FBLIM1: variants seen among roughly 807,000 people sequenced by gnomAD.
The protein encoded by FBLIM1 is filamin-binding LIM protein 1.
Under a neutral mutation model 37.4 loss-of-function variants are expected in FBLIM1, and 29 were observed. The observed-to-expected ratio is 0.77, with a 90% CI of 0.58 to 1.06. FBLIM1 has a LOEUF of 1.06. Among genes scored for constraint, FBLIM1 ranks in the 50% least tolerant of loss-of-function variants. The pLI is 0.00. For synonymous variants in FBLIM1, 193 were observed against 199.0 expected (o/e 0.97, Z 0.25); for missense variants, 449 against 505.6 (o/e 0.89, Z 1.07).
rs1221070852 is a variant in FBLIM1, at chr1:15,785,256, A to T, written c.*595A>T. On this transcript the variant is annotated 3_prime_UTR_variant, in exon 9 of 9. Coordinates refer to ENST00000375766, the MANE Select transcript of FBLIM1 (RefSeq NM_017556.4). Reference sequence around the variant, plus strand: ...AAGCTGAGGCAGGAGAATTGCTTCAATCTGGAAGGCAGAGGTTGCAGTGAG... The same window carrying T: ...AAGCTGAGGCAGGAGAATTGCTTCATTCTGGAAGGCAGAGGTTGCAGTGAG... The T allele has an allele frequency of 6.6e-6, 1 of 152,000 alleles. No individual in the cohort carries two copies. The highest frequency in any genetic ancestry group is 1.5e-5 in the Non-Finnish European group (1 of 68,042). The allele number at this position is 152,000 out of a possible 1,614,324, so 9.4% of individuals were successfully genotyped here. A position where few individuals can be genotyped will look rare whatever the true frequency, so the allele number is the denominator to read the frequency against.
intron 8 of FBLIM1, 46 bp downstream of exon 8, chr1:15,777,333 C>A: frequency 6.8e-7 from 1 of 1,461,574 alleles, no homozygotes; most frequent in Non-Finnish European, 9.5e-7. Flanking sequence ...TGCTGCGTGC[C>A]AGGCCCTTAG....
At chr1:15,776,303 C>G (rs959534341) in intron 7 of FBLIM1, among the ~76,000 whole-genome samples, 1 of 152,044 alleles carries the variant, frequency 6.6e-6, no homozygotes, top group Admixed American at 6.6e-5. Flanking sequence ...ATGTCACAGG[C>G]AGGTACGATT....
chr1:15,767,996 G>GC (rs1209982311), intron 4 of FBLIM1, among the ~76,000 whole-genome samples: 2 of 152,118 alleles, frequency 1.3e-5, no homozygotes, highest in Admixed American at 6.6e-5. Flanking sequence ...CGATTCTCCT[G>GC]CCATAGTCTC....
chr1:15,767,004 G>A (rs1046037714), intron 3 of FBLIM1, among the ~76,000 whole-genome samples: 15 of 150,256 alleles, frequency 1.0e-4, no homozygotes, highest in African/African-American at 3.2e-4. Flanking sequence ...ATCCTTCCAC[G>A]TCAGCCTCCC....
At position 15,765,281 on chromosome 1, in the gene FBLIM1, G is replaced by A. The variant is rs750904245; in HGVS notation, c.250+48G>A. 6.4e-7 allele frequency: 1 copy of A among 1,559,366 alleles called. No homozygotes were observed. The highest frequency in any genetic ancestry group is 2.3e-5 in the East Asian group (1 of 44,090). ...GGAAGACCACGTCAGAGGCAGAGGT[G>A]GGGAGGAAAGGGCAGGCTCCAGCGT... is the stretch of plus-strand genomic sequence containing the variant. On this transcript the variant is annotated intron_variant, in intron 3 of 8. Coordinates refer to ENST00000375766, the MANE Select transcript of FBLIM1 (RefSeq NM_017556.4). This position sits in a 1 kb window ranked among gnomAD's most constrained non-coding sequence, Gnocchi z 5.9.
At chr1:15,781,953 C>T (rs193049638) in intron 8 of FBLIM1, among the ~76,000 whole-genome samples, 52 of 151,812 alleles carry the variant, frequency 3.4e-4, no homozygotes, top group South Asian at 6.2e-4. Flanking sequence ...CTCCTGACCT[C>T]GTGATCCGCC....
At position 15,765,239 on chromosome 1, in the gene FBLIM1, A is replaced by T; in HGVS notation, c.250+6A>T. ...TATGCAGCTCTTCAATGGAGGTAAG[A>T]GCTGAGGGGACTTTGGGGAAGACCA... is the stretch of plus-strand genomic sequence containing the variant. On this transcript the variant is annotated splice_donor_region_variant and intron_variant, in intron 3 of 8. Coordinates refer to ENST00000375766, the MANE Select transcript of FBLIM1 (RefSeq NM_017556.4). The surrounding 1 kb of genome is among the most constrained non-coding windows in gnomAD (Gnocchi z 5.9). 6.3e-7 allele frequency: 1 copy of T among 1,599,996 alleles called. No homozygotes were observed. Among genetic ancestry groups the T allele is most frequent in the Non-Finnish European group, 8.5e-7 (1 of 1,170,206 alleles).
intron 8 of FBLIM1, among the ~76,000 whole-genome samples, chr1:15,783,619 G>C (rs902751118): frequency 7.9e-6 from 1 of 125,898 alleles, no homozygotes; most frequent in Non-Finnish European, 1.6e-5. Flanking sequence ...TCTGTCACCC[G>C]GGCTGGAGTG....
intron 1 of FBLIM1, among the ~76,000 whole-genome samples, chr1:15,761,193 C>T (rs376234142): frequency 1.3e-5 from 2 of 152,152 alleles, no homozygotes; most frequent in East Asian, 1.9e-4. Flanking sequence ...CGGAACATGC[C>T]GACCACAAGA....
chr1:15,782,691 G>A (rs1461840914), intron 8 of FBLIM1, among the ~76,000 whole-genome samples: 8 of 152,090 alleles, frequency 5.3e-5, no homozygotes, highest in Non-Finnish European at 8.8e-5. Context: ...GGCCTTGTAG[G>A]GAGGAGACAC....
chr1:15,774,590 A>G, intron 6 of FBLIM1, 28 bp from the exon 7 acceptor site: 1 of 1,590,808 alleles, frequency 6.3e-7, no homozygotes, highest in South Asian at 1.1e-5. Flanking sequence ...TGTGTCGTGG[A>G]TGGTTCTGGC....
intron 1 of FBLIM1, among the ~76,000 whole-genome samples, chr1:15,760,346 A>C (rs551430879): frequency 2.6e-5 from 4 of 151,350 alleles, no homozygotes; most frequent in Non-Finnish European, 5.9e-5. Flanking sequence ...CCTGGTCAAC[A>C]TGGTGAAACC....
Position 15,768,528 on chromosome 1 carries a change from GC to G in FBLIM1, c.443del (p.Pro148GlnfsTer53). On this transcript the variant is annotated frameshift_variant and splice_region_variant, in exon 5 of 9. Transcript: ENST00000375766. LOFTEE classifies it high-confidence loss of function. ...HLSPPPPPPQ[A>X]PAEGPSVQPG... ...TGACTCCCCGTCTGCATCCCCACAG[GC>G]CCCAGCGGAGGGACCTTCAGTCCAG... 1 of 1,569,534 alleles carries G rather than the reference GC, an allele frequency of 6.4e-7. No individual in the cohort carries two copies. Among genetic ancestry groups the G allele is most frequent in the East Asian group, 2.3e-5 (1 of 43,558 alleles).
intron 6 of FBLIM1, 108 bp downstream of exon 6, chr1:15,770,686 C>A: frequency 1.5e-6 from 2 of 1,292,914 alleles, no homozygotes; most frequent in Non-Finnish European, 2.1e-6. Flanking sequence ...ACTATTGACC[C>A]CTTTCACAGA....
chr1:15,769,489 A>T (rs1047411016), intron 5 of FBLIM1, among the ~76,000 whole-genome samples: 11 of 151,664 alleles, frequency 7.3e-5, no homozygotes, highest in African/African-American at 1.9e-4. Flanking sequence ...AAAAATAAAA[A>T]AATAAAATAA....
chr1:15,761,224 A>G (rs1382021763), intron 1 of FBLIM1, among the ~76,000 whole-genome samples: 1 of 152,152 alleles, frequency 6.6e-6, no homozygotes, highest in Non-Finnish European at 1.5e-5. Context: ...GGATTGGGCC[A>G]TTGTAGAGTG....
At chr1:15,763,600 C>T (rs2068781845) in intron 1 of FBLIM1, among the ~76,000 whole-genome samples, 2 of 151,492 alleles carry the variant, frequency 1.3e-5, no homozygotes, top group Admixed American at 6.6e-5. Context: ...CGTGCCACTG[C>T]ACTCCGGCCT....
At chr1:15,779,346 C>A (rs1187359334) in intron 8 of FBLIM1, among the ~76,000 whole-genome samples, 1 of 151,958 alleles carries the variant, frequency 6.6e-6, no homozygotes, top group Non-Finnish European at 1.5e-5. Context: ...ACTCTGTCAC[C>A]CAGGCTGGAG....
chr1:15,777,164 T>A lies in FBLIM1; in HGVS notation c.891-6T>A. The A allele has an allele frequency of 6.3e-7, 1 of 1,596,918 alleles. No homozygotes were observed. Among genetic ancestry groups the A allele is most frequent in the South Asian group, 1.1e-5 (1 of 90,016 alleles). ...GCCTCCCAAGCATGGGTTCCTTTGCTTCTAGGAAATTCGCCCCCGTCTGCA... is the reference window on the plus strand; with the variant it reads ...GCCTCCCAAGCATGGGTTCCTTTGCATCTAGGAAATTCGCCCCCGTCTGCA... On this transcript the variant is annotated splice_region_variant and splice_polypyrimidine_tract_variant and intron_variant, in intron 7 of 8. Transcript: ENST00000375766.
Sources: gnomAD v4.1 joint callset for allele counts (sites outside exome capture counted in the v4.1 genomes callset) on GRCh38, gnomAD v4.1.1 for gene constraint, Gnocchi (gnomAD v3.1) non-coding constraint, MANE v1.5 for transcripts, NCBI Gene and HGNC (gene_info 2026-07-23, HGNC 2026-07-21) for gene names.